Variants in ADAMTS9 observed in about 807,000 individuals in gnomAD.
ADAMTS9 encodes A disintegrin and metalloproteinase with thrombospondin motifs 9.
In ADAMTS9, 107 loss-of-function variants were observed where a neutral mutation model predicts 257.1. The observed-to-expected ratio is 0.42, with a 90% CI of 0.36 to 0.49. The LOEUF (loss-of-function observed/expected upper bound fraction) is 0.49, where lower values mean the gene tolerates loss of function less well. Ranked by LOEUF, ADAMTS9 falls within the 20% of genes least tolerant of loss-of-function variation. The probability of loss-of-function intolerance (pLI) is 0.03; values close to 1 mark genes in which losing one functional copy is unlikely to be tolerated. For synonymous variants in ADAMTS9, 982 were observed against 880.9 expected, an observed-to-expected ratio of 1.11 and a Z score of -2.03; for missense variants, 2,353 against 2,469.1, an observed-to-expected ratio of 0.95 and a Z score of 1.00.
In ADAMTS9 at chr3:64,517,416, G is replaced by GTTTTTTTTTTTTTTTTTTTTTTTTTTTT. The variant is rs755480110; in HGVS notation, c.*6-296_*6-295insAAAAAAAAAAAAAAAAAAAAAAAAAAAA. On this transcript the variant is annotated intron_variant, in intron 39 of 39. Transcript: ENST00000498707. The stretch of plus-strand genomic sequence containing the variant: ...CATCAAGCCCAGCTAATTAAAAATG[G>GTTTTTTTTTTTTTTTTTTTTTTTTTTTT]TTTTTTTTTTTTTTTTTTTTTTTGC... Among the ~76,000 whole-genome samples, 37 of 52,668 alleles carry GTTTTTTTTTTTTTTTTTTTTTTTTTTTT rather than the reference G, an allele frequency of 7.0e-4. 13 individuals carry two copies. The highest frequency in any genetic ancestry group is 1.1e-3 in the Non-Finnish European group (30 of 26,242). The allele number at this position is 52,668 out of a possible 152,430, so 34.6% of individuals were successfully genotyped here.
chr3:64,547,047 A>T, intron 31 of ADAMTS9, 95 bp from the exon 32 acceptor site: 1 of 1,107,970 alleles, frequency 9.0e-7, no homozygotes, highest in Non-Finnish European at 1.3e-6. Flanking sequence ...TGACCGTGTG[A>T]CTATGCTGCA....
rs537619007 is a variant in ADAMTS9, at chr3:64,559,967, G to C, written c.4698+1611C>G. On this transcript the variant is annotated intron_variant, in intron 30 of 39. Coordinates refer to ENST00000498707, the MANE Select transcript of ADAMTS9 (RefSeq NM_182920.2). Reference sequence around the variant, plus strand: ...AGGTCTGAAAAAAAGAGAATCAAGAGGTCACACTGAGGGGGAGAGCGAGAG... The same window carrying C: ...AGGTCTGAAAAAAAGAGAATCAAGACGTCACACTGAGGGGGAGAGCGAGAG... Among the ~76,000 whole-genome samples, 109 of 152,294 alleles carry C rather than the reference G, an allele frequency of 7.2e-4. 1 individual carries two copies. The highest frequency in any genetic ancestry group is 2.5e-3 in the African/African-American group (105 of 41,560).
chr3:64,556,413 T>A (rs2083333827), intron 30 of ADAMTS9, among the ~76,000 whole-genome samples: 1 of 152,214 alleles, frequency 6.6e-6, no homozygotes, highest in Non-Finnish European at 1.5e-5. Flanking sequence ...ATTGACCTCC[T>A]GAGCTTAAGC....
rs1259832196 is a variant in ADAMTS9, at chr3:64,631,789, C to G, written c.2293+19G>C. On this transcript the variant is annotated intron_variant, in intron 15 of 39. Coordinates refer to ENST00000498707, the MANE Select transcript of ADAMTS9 (RefSeq NM_182920.2). ...TTTGACCATATTCCTTCTCATGGTTCTTAGGAGCAGATTCTTACCATAATG... is the reference window on the plus strand; with the variant it reads ...TTTGACCATATTCCTTCTCATGGTTGTTAGGAGCAGATTCTTACCATAATG... 3 of 1,587,012 alleles carry G rather than the reference C, an allele frequency of 1.9e-6. No individual in the cohort carries two copies. Among genetic ancestry groups the G allele is most frequent in the Non-Finnish European group, 2.6e-6 (3 of 1,157,268 alleles).
intron 28 of ADAMTS9, chr3:64,587,291 G>A (rs1474431337): frequency 6.6e-6 from 1 of 152,138 alleles, no homozygotes. Flanking sequence ...GGCATCCTAT[G>A]GGGGAACCCC....
intron 11 of ADAMTS9, among the ~76,000 whole-genome samples, chr3:64,642,806 G>A (rs1010810178): frequency 1.3e-5 from 2 of 152,194 alleles, no homozygotes; most frequent in South Asian, 2.1e-4. Context: ...TCTCTGAAGC[G>A]GAGCTGGTGG....
intron 28 of ADAMTS9, among the ~76,000 whole-genome samples, chr3:64,580,883 C>T (rs1576068870): frequency 6.6e-6 from 1 of 152,048 alleles, no homozygotes; most frequent in Non-Finnish European, 1.5e-5. Flanking sequence ...GCATCACAAA[C>T]CAAAATTCAT....
At chr3:64,605,983 C>T (rs1343918947) in intron 23 of ADAMTS9, among the ~76,000 whole-genome samples, 1 of 152,124 alleles carries the variant, frequency 6.6e-6, no homozygotes, top group Non-Finnish European at 1.5e-5. Context: ...TGTTGCCCAC[C>T]TATGTTTGTA....
At chr3:64,652,258 T>G (rs574551933) in intron 8 of ADAMTS9, among the ~76,000 whole-genome samples, 1 of 152,254 alleles carries the variant, frequency 6.6e-6, no homozygotes, top group Non-Finnish European at 1.5e-5. Flanking sequence ...CTATGGAGTC[T>G]ATTCCATTAA....
intron 38 of ADAMTS9, among the ~76,000 whole-genome samples, chr3:64,532,733 G>A (rs1002082027): frequency 2.6e-5 from 4 of 151,972 alleles, no homozygotes; most frequent in East Asian, 1.9e-4. Context: ...CAGATATATC[G>A]CTTAATAAGT....
At chr3:64,571,737 C>G (rs1559770174) in intron 28 of ADAMTS9, among the ~76,000 whole-genome samples, 1 of 152,176 alleles carries the variant, frequency 6.6e-6, no homozygotes. Flanking sequence ...TTAATGCTTT[C>G]TAACTTACCA....
rs551987040 is a variant in ADAMTS9 at position 64,540,993 on chromosome 3, T to C, written c.5521+102A>G. ...ATACTAGCCAATGTGCAATGTGCAA[T>C]GTGCAATACGCACCTCCCTGCTAGC... On this transcript the variant is annotated intron_variant, in intron 36 of 39. Transcript: ENST00000498707. 103 of 1,452,510 alleles carry C rather than the reference T, an allele frequency of 7.1e-5. No individual in the cohort carries two copies. In the East Asian group the frequency reaches 8.0e-4, roughly 11 times the overall value. The allele number at this position is 1,452,510 out of a possible 1,614,324, so 90.0% of individuals were successfully genotyped here. A position where few individuals can be genotyped will look rare whatever the true frequency, so the allele number is the denominator to read the frequency against.
In ADAMTS9 at chr3:64,541,061, G is replaced by T. The variant is rs760221868; in HGVS notation, c.5521+34C>A. ...TTGCTGTCTGAATGGAGAGAAGAAC[G>T]CACACGTTCCCAAAGGACTCCTCAC... On this transcript the variant is annotated intron_variant, in intron 36 of 39. Transcript: ENST00000498707. The T allele has an allele frequency of 1.1e-5, 17 of 1,611,506 alleles. No homozygotes were observed. The Admixed American group carries it at 2.7e-4, about 25-fold the overall frequency.
At chr3:64,643,397 C>G (rs939651619) in intron 11 of ADAMTS9, among the ~76,000 whole-genome samples, 5 of 148,062 alleles carry the variant, frequency 3.4e-5, no homozygotes, top group African/African-American at 1.3e-4. Context: ...CCCAATCTAT[C>G]TAACACATTG....
rs1357901558 is a variant in ADAMTS9, at chr3:64,681,323, T to A, written c.557A>T (p.Glu186Val). The A allele has an allele frequency of 6.8e-6, 11 of 1,613,578 alleles. No individual in the cohort carries two copies. The East Asian group carries it at 2.5e-4, about 36-fold the overall frequency. The change falls in exon 3 of 40, where the codon GAA (glutamate) becomes GTA (valine). Residue 186 changes from glutamate (E) to valine (V), a missense_variant. By Grantham distance (121) the Glu-to-Val change is moderately radical (BLOSUM62 -2). This residue lies in a region of ADAMTS9 where 591 missense variants were observed against 569.6 expected (regional missense o/e 1.04). Transcript: ENST00000498707. ...FRSHDGDYFI[E>V]PLQSMDEQED... Reference sequence around the variant, plus strand: ...TTGTTCATCCATAGACTGTAGTGGTTCAATAAAATAATCCCCATCATGAGA... The same window carrying A: ...TTGTTCATCCATAGACTGTAGTGGTACAATAAAATAATCCCCATCATGAGA...
intron 23 of ADAMTS9, among the ~76,000 whole-genome samples, chr3:64,605,284 A>C (rs1424401824): frequency 6.6e-6 from 1 of 152,198 alleles, no homozygotes; most frequent in Non-Finnish European, 1.5e-5. Flanking sequence ...TATATTTTGA[A>C]TCTGAAAGGG....
chr3:64,664,877 C>T (rs756780388), intron 3 of ADAMTS9, among the ~76,000 whole-genome samples: 4 of 152,156 alleles, frequency 2.6e-5, no homozygotes, highest in Non-Finnish European at 5.9e-5. Context: ...ACACCATTTT[C>T]TTGCTTCTTC....
chr3:64,565,258 CTAATTA>C (rs746611287), intron 29 of ADAMTS9: 1 of 152,178 alleles, frequency 6.6e-6, no homozygotes, highest in East Asian at 1.9e-4. Flanking sequence ...TACAGCTGCT[CTAATTA>C]TAATTATAAG....
chr3:64,681,282 GTTCCTC>G lies in ADAMTS9; in HGVS notation c.592_597del (p.Glu198_Glu199del). 1 of 1,614,004 alleles carries G rather than the reference GTTCCTC, an allele frequency of 6.2e-7. No homozygotes were observed. Among genetic ancestry groups the G allele is most frequent in the Non-Finnish European group, 8.5e-7 (1 of 1,179,942 alleles). ...CTATAAATGATGTGGGGTTTGTTTT[GTTCCTC>G]TTCATCTTCTTGTTCATCCATAGAC... On this transcript the variant is annotated inframe_deletion, in exon 3 of 40. Transcript: ENST00000498707.
Sources: allele counts gnomAD v4.1 joint callset (sites outside exome capture counted in the v4.1 genomes callset), GRCh38; gene constraint gnomAD v4.1.1; regional missense constraint gnomAD v4.1.1; transcripts MANE v1.5; gene names NCBI Gene and HGNC (gene_info 2026-07-23, HGNC 2026-07-21).